The following PANK1 variants were observed in gnomAD, a reference collection of about 807,000 sequenced individuals.
The protein encoded by PANK1 is pantothenic acid kinase 1.
Under a neutral mutation model 40.1 loss-of-function variants are expected in PANK1, and 18 were observed. The ratio of observed to expected loss-of-function variants is 0.45; its 90% CI spans 0.31 to 0.67. PANK1 has a LOEUF of 0.67. Ranked by LOEUF, PANK1 falls within the 30% of genes least tolerant of loss-of-function variation. PANK1 has a pLI of 0.06. For missense variants in PANK1, 457 were observed against 599.6 expected (o/e 0.76, Z 2.48); for synonymous variants, 242 against 237.7 (o/e 1.02, Z -0.17).
rs1418735983 is a variant in PANK1 at position 89,583,149 on chromosome 10, C to T, written c.*1257G>A. 1 of 152,110 alleles carries T rather than the reference C, an allele frequency of 6.6e-6. No homozygotes were observed. The highest frequency in any genetic ancestry group is 1.5e-5 in the Non-Finnish European group (1 of 67,996). The allele number at this position is 152,110 out of a possible 1,614,324, so 9.4% of individuals were successfully genotyped here. A position where few individuals can be genotyped will look rare whatever the true frequency, so the allele number is the denominator to read the frequency against. On this transcript the variant is annotated 3_prime_UTR_variant, in exon 7 of 7. Transcript: ENST00000307534. ...TGTTCTGTCCTTCAAAAATCCCTTT[C>T]AACAATAAGCTCAATACACAAGATC... is the stretch of plus-strand genomic sequence containing the variant.
chr10:89,630,787 C>T (rs1272430888), intron 1 of PANK1, among the ~76,000 whole-genome samples: 3 of 152,134 alleles, frequency 2.0e-5, no homozygotes, highest in East Asian at 1.9e-4. Context: ...CCACTGCGCC[C>T]GGCCTCTAAT....
chr10:89,643,797 C>A (rs1303638910), intron 1 of PANK1: 29 of 1,608,806 alleles, frequency 1.8e-5, no homozygotes, highest in Non-Finnish European at 2.4e-5. Context: ...ACTCGACCTA[C>A]AAATTTACAT....
At chr10:89,631,699 A>G (rs1036464146) in intron 1 of PANK1, among the ~76,000 whole-genome samples, 1 of 152,240 alleles carries the variant, frequency 6.6e-6, no homozygotes, top group Non-Finnish European at 1.5e-5. Context: ...GCACAGGACT[A>G]TTTCAAGAAT....
At chr10:89,642,681 T>C (rs574279144) in intron 1 of PANK1, among the ~76,000 whole-genome samples, 87 of 152,324 alleles carry the variant, frequency 5.7e-4, no homozygotes, top group African/African-American at 2.0e-3. Context: ...TGAATGTCAA[T>C]AGGCAAGGCA....
intron 1 of PANK1, among the ~76,000 whole-genome samples, chr10:89,625,478 T>C (rs1845634033): frequency 6.6e-6 from 1 of 152,164 alleles, no homozygotes. Context: ...TTTAGAAACA[T>C]TCCACATATA....
chr10:89,640,035 G>A (rs1564640253), intron 1 of PANK1, among the ~76,000 whole-genome samples: 1 of 152,212 alleles, frequency 6.6e-6, no homozygotes, highest in Non-Finnish European at 1.5e-5. Context: ...TGGCAAGGAA[G>A]ATAGACTTGG....
At chr10:89,627,079 G>A (rs530585532) in intron 1 of PANK1, among the ~76,000 whole-genome samples, 6 of 152,278 alleles carry the variant, frequency 3.9e-5, no homozygotes, top group South Asian at 2.1e-4. Context: ...GAGCTGGGGG[G>A]CAGAGGACTG....
At chr10:89,622,542 A>G (rs2133981661) in intron 1 of PANK1, among the ~76,000 whole-genome samples, 1 of 152,322 alleles carries the variant, frequency 6.6e-6, no homozygotes, top group South Asian at 2.1e-4. Flanking sequence ...CTTTAAAAAA[A>G]TACTTAAAAT....
chr10:89,609,209 C>T (rs757065960), intron 2 of PANK1, among the ~76,000 whole-genome samples: 3 of 152,078 alleles, frequency 2.0e-5, no homozygotes, highest in Non-Finnish European at 2.9e-5. Flanking sequence ...GGATTACAGG[C>T]GTGCGCCACC....
chr10:89,618,011 T>C (rs1290113271), intron 1 of PANK1, among the ~76,000 whole-genome samples: 1 of 152,206 alleles, frequency 6.6e-6, no homozygotes, highest in Non-Finnish European at 1.5e-5. Flanking sequence ...AGGCATATTC[T>C]CAGTGTTCAC....
At chr10:89,595,128 G>C (rs188959897) in intron 3 of PANK1, among the ~76,000 whole-genome samples, 1 of 152,322 alleles carries the variant, frequency 6.6e-6, no homozygotes, top group Admixed American at 6.5e-5. Context: ...CAAAACTGTA[G>C]ATAGGTACAT....
chr10:89,604,120 T>A (rs1844869262), intron 2 of PANK1, among the ~76,000 whole-genome samples: 1 of 152,168 alleles, frequency 6.6e-6, no homozygotes, highest in African/African-American at 2.4e-5. Context: ...ATGAAAGCAA[T>A]CAGAAACCTC....
chr10:89,641,385 G>C (rs1251805100), intron 1 of PANK1, among the ~76,000 whole-genome samples: 1 of 152,066 alleles, frequency 6.6e-6, no homozygotes. Flanking sequence ...ACAGATTTGG[G>C]GTTTTTCAGT....
intron 1 of PANK1, among the ~76,000 whole-genome samples, chr10:89,633,038 G>A (rs1223867785): frequency 1.3e-5 from 2 of 152,090 alleles, no homozygotes; most frequent in Non-Finnish European, 2.9e-5. Flanking sequence ...AGCTTCTTCT[G>A]TGAACTGTGT....
In PANK1 at chr10:89,599,208, C is replaced by T. The variant is rs1370935374; in HGVS notation, c.899+44G>A. On this transcript the variant is annotated intron_variant, in intron 3 of 6. Coordinates refer to ENST00000307534, the MANE Select transcript of PANK1 (RefSeq NM_148977.3). ...TAACCTTTTACTATAAACTGGTCATCAAGAAAGAGGTCTGGGTTCAAGCAC... is the reference window on the plus strand; with the variant it reads ...TAACCTTTTACTATAAACTGGTCATTAAGAAAGAGGTCTGGGTTCAAGCAC... The T allele has an allele frequency of 1.9e-6, 3 of 1,566,412 alleles. No homozygotes were observed. The South Asian group carries it at 3.5e-5, about 18-fold the overall frequency.
chr10:89,645,128 C>A lies in PANK1; in HGVS notation c.-237G>T. 6.6e-7 allele frequency: 1 copy of A among 1,506,628 alleles called. No homozygotes were observed. The highest frequency in any genetic ancestry group is 8.8e-7 in the Non-Finnish European group (1 of 1,131,084). The allele number at this position is 1,506,628 out of a possible 1,614,324, so 93.3% of individuals were successfully genotyped here. ...ACGGCGCCGGCCTGGAGCACGCCAG[C>A]CCCGGGCGCGGAATCGGGGATCCCC... is the stretch of plus-strand genomic sequence containing the variant. On this transcript the variant is annotated 5_prime_UTR_variant, in exon 1 of 7. Coordinates refer to ENST00000307534, the MANE Select transcript of PANK1 (RefSeq NM_148977.3).
At chr10:89,632,523 T>C (rs531189448) in intron 1 of PANK1, among the ~76,000 whole-genome samples, 1 of 152,148 alleles carries the variant, frequency 6.6e-6, no homozygotes, top group African/African-American at 2.4e-5. Flanking sequence ...TGTTCCTCAA[T>C]CCACAATGAA....
chr10:89,613,156 G>A (rs1212863014), intron 1 of PANK1, among the ~76,000 whole-genome samples: 1 of 152,198 alleles, frequency 6.6e-6, no homozygotes, highest in Non-Finnish European at 1.5e-5. Context: ...GCTGTCAAAT[G>A]CTCTGCAATG....
intron 1 of PANK1, chr10:89,643,849 A>G: frequency 6.5e-7 from 1 of 1,538,648 alleles, no homozygotes; most frequent in Non-Finnish European, 8.7e-7. Flanking sequence ...ACAAACTACC[A>G]TTATATATAC....
Sources: allele counts gnomAD v4.1 joint callset (sites outside exome capture counted in the v4.1 genomes callset), GRCh38; gene constraint gnomAD v4.1.1; transcripts MANE v1.5; gene names NCBI Gene and HGNC (gene_info 2026-07-23, HGNC 2026-07-21).